NEIL1: variants seen among roughly 807,000 people sequenced by gnomAD.
NEIL1 encodes nei like DNA glycosylase 1.
Under a neutral mutation model 44.2 loss-of-function variants are expected in NEIL1, and 31 were observed. The ratio of observed to expected loss-of-function variants is 0.70; its 90% confidence interval spans 0.53 to 0.95. The LOEUF is 0.95. Ranked by LOEUF, NEIL1 falls within the 40% of genes least tolerant of loss-of-function variation. The pLI, the probability that NEIL1 is intolerant of heterozygous loss-of-function variation, is 0.00. For synonymous variants in NEIL1, 254 were observed against 209.7 expected (o/e 1.21, Z -1.83); for missense variants, 549 against 515.5 (o/e 1.07, Z -0.63).
Position 75,356,747 on chromosome 15 carries a change from C to G in NEIL1, c.*1713C>G. ...CTGTTGGAGTTGTGGTCGGGAAGAC[C>G]CATTTCTCCATGCCAGCTCCCAGGC... On this transcript the variant is annotated 3_prime_UTR_variant, in exon 10 of 10. Transcript: ENST00000355059. This position sits in a 1 kb window ranked among gnomAD's most constrained non-coding sequence, Gnocchi z 5.8. The G allele has an allele frequency of 1.9e-6, 3 of 1,612,794 alleles. No individual in the cohort carries two copies. The highest frequency in any genetic ancestry group is 2.5e-6 in the Non-Finnish European group (3 of 1,179,134).
rs1173618758 is a variant in NEIL1 at position 75,357,025 on chromosome 15, C to T, written c.*1991C>T. ...AACCACACAACTGAACTCCAGCTCC[C>T]ACTGTACGGGGCCCTGGGCATGCCA... On this transcript the variant is annotated 3_prime_UTR_variant, in exon 10 of 10. Coordinates refer to ENST00000355059, the MANE Select transcript of NEIL1 (RefSeq NM_024608.4). 6 of 761,646 alleles carry T rather than the reference C, an allele frequency of 7.9e-6. No homozygotes were observed. The highest frequency in any genetic ancestry group is 1.3e-5 in the Non-Finnish European group (6 of 455,208). The allele number at this position is 761,646 out of a possible 1,614,324, so 47.2% of individuals were successfully genotyped here. A position where few individuals can be genotyped will look rare whatever the true frequency, so the allele number is the denominator to read the frequency against.
At chr15:75,353,254 C>T (rs1352208029) in intron 5 of NEIL1, 14 of 255,364 alleles carry the variant, frequency 5.5e-5, no homozygotes, top group Non-Finnish European at 2.4e-5. Context: ...CACACACGCA[C>T]GTTTATATAT....
Position 75,356,475 on chromosome 15 carries a change from T to C in NEIL1, c.*1441T>C. The C allele has an allele frequency of 3.2e-6, 5 of 1,578,830 alleles. No individual in the cohort carries two copies. Among genetic ancestry groups the C allele is most frequent in the Non-Finnish European group, 4.3e-6 (5 of 1,164,260 alleles). ...CTGGGGTACGACCAGGAAACAATGC[T>C]GGTGGAGAATGGGGGCTACCCTCCC... On this transcript the variant is annotated 3_prime_UTR_variant, in exon 10 of 10. Coordinates refer to ENST00000355059, the MANE Select transcript of NEIL1 (RefSeq NM_024608.4). The surrounding 1 kb of genome is among the most constrained non-coding windows in gnomAD (Gnocchi z 5.8).
chr15:75,352,008 C>T (rs1223202431), intron 2 of NEIL1, 103 bp from the exon 3 acceptor site: 2 of 1,084,756 alleles, frequency 1.8e-6, no homozygotes, highest in Non-Finnish European at 2.8e-6. Context: ...CTGTAACTCC[C>T]AGTTTCCTTC....
In NEIL1 at chr15:75,352,637, CA is replaced by C. The variant is rs763974817; in HGVS notation, c.656del (p.Lys219SerfsTer50). 6.2e-6 allele frequency: 10 copies of C among 1,613,452 alleles called. No homozygotes were observed. Among genetic ancestry groups the C allele is most frequent in the African/African-American group, 1.3e-5 (1 of 75,036 alleles). On this transcript the variant is annotated frameshift_variant, in exon 5 of 10. Transcript: ENST00000355059. LOFTEE classifies it high-confidence loss of function. ...ELTLSQKIRT[K>X]LQNPDLLELC... ...TGACCCTGAGCCAGAAGATAAGGAC[CA>C]AGCTGCAGAATCCAGACCTGCTGGA...
intron 1 of NEIL1, 172 bp from the exon 2 acceptor site, chr15:75,348,712 G>A (rs2071634703): frequency 7.0e-7 from 1 of 1,432,250 alleles, no homozygotes; most frequent in Admixed American, 2.9e-5. Context: ...GGCTTTCCAG[G>A]CACCTGTCCG....
At chr15:75,353,942 G>A in intron 6 of NEIL1, 76 bp downstream of exon 6, 1 of 1,575,922 alleles carries the variant, frequency 6.3e-7, no homozygotes, top group Non-Finnish European at 8.7e-7. Flanking sequence ...AATAACTGGG[G>A]TGGTGATGCT....
rs751629895 is a variant in NEIL1, at chr15:75,354,407, A to C, written c.875-24A>C. On this transcript the variant is annotated intron_variant, in intron 7 of 9. Transcript: ENST00000355059. ...ACCCCTGGGCAGGATAGGACCCTCC[A>C]ACTCCAACACCAGTGTCCTGCAGGG... The C allele has an allele frequency of 6.2e-6, 10 of 1,613,966 alleles. No homozygotes were observed. The East Asian group carries it at 2.0e-4, about 32-fold the overall frequency.
chr15:75,356,552 A>C lies in NEIL1; in HGVS notation c.*1518A>C. On this transcript the variant is annotated 3_prime_UTR_variant, in exon 10 of 10. Coordinates refer to ENST00000355059, the MANE Select transcript of NEIL1 (RefSeq NM_024608.4). The surrounding 1 kb of genome is among the most constrained non-coding windows in gnomAD (Gnocchi z 5.8). ...GGTTGCTGGGGTTTGGGCTCAGGGA[A>C]GGGCAGAGAGGTGTCTAGGGCTGCA... is the stretch of plus-strand genomic sequence containing the variant. 1 of 1,548,096 alleles carries C rather than the reference A, an allele frequency of 6.5e-7. No individual in the cohort carries two copies. The highest frequency in any genetic ancestry group is 8.7e-7 in the Non-Finnish European group (1 of 1,144,262).
chr15:75,353,142 C>CAAA (rs1195902594), intron 5 of NEIL1: 10 of 95,568 alleles, frequency 1.0e-4, no homozygotes, highest in South Asian at 2.7e-4. Flanking sequence ...AACTCCATCT[C>CAAA]AAAAAAAAAA....
chr15:75,349,068 G>A lies in NEIL1; in HGVS notation c.163G>A (p.Glu55Lys). ...YRISASARGK[E>K]LRLILSPLPG... The stretch of plus-strand genomic sequence containing the variant: ...CATCTCAGCTTCAGCCCGCGGCAAG[G>A]AGCTGCGCCTGATACTGAGCCCTCT... Residue 55 changes from glutamate (E) to lysine (K), a missense_variant, in exon 2 of 10, where the codon GAG (glutamate) becomes AAG (lysine). Physicochemically the swap from Glu to Lys is moderately conservative, Grantham distance 56. Transcript: ENST00000355059. 1 of 1,613,312 alleles carries A rather than the reference G, an allele frequency of 6.2e-7. No homozygotes were observed. The highest frequency in any genetic ancestry group is 8.5e-7 in the Non-Finnish European group (1 of 1,179,980).
intron 1 of NEIL1, chr15:75,347,885 C>A: frequency 8.2e-7 from 1 of 1,213,628 alleles, no homozygotes; most frequent in South Asian, 1.3e-5. Flanking sequence ...GGTGCCAGGC[C>A]AGGGGCGGCT....
At position 75,355,035 on chromosome 15, in the gene NEIL1, C is replaced by T. The variant is rs1316748104; in HGVS notation, c.*1C>T. 4 of 1,612,654 alleles carry T rather than the reference C, an allele frequency of 2.5e-6. No homozygotes were observed. Among genetic ancestry groups the T allele is most frequent in the Non-Finnish European group, 3.4e-6 (4 of 1,178,940 alleles). ...ACCAGAGGGGACCTCAGCCTCTTAG[C>T]AGGAGGCTCTCCTTGCTTGCACTCA... On this transcript the variant is annotated 3_prime_UTR_variant, in exon 10 of 10. Transcript: ENST00000355059.
Position 75,349,277 on chromosome 15 carries a change from C to A in NEIL1, c.372C>A (p.Asp124Glu), listed in dbSNP as rs745649565. Residue 124 changes from aspartate to glutamate, a missense_variant, in exon 2 of 10, where the codon GAC becomes GAA. Transcript: ENST00000355059. ...FVDIRRFGRW[D>E]LGGKWQPGRG... is the part of the protein sequence containing the mutation. Reference sequence around the variant, plus strand: ...ACATCCGCCGGTTCGGCCGCTGGGACCTTGGGGGAAAGTGGCAGCCGGGCC... The same window carrying A: ...ACATCCGCCGGTTCGGCCGCTGGGAACTTGGGGGAAAGTGGCAGCCGGGCC... The A allele has an allele frequency of 6.2e-7, 1 of 1,611,924 alleles. No homozygotes were observed. Among genetic ancestry groups the A allele is most frequent in the Non-Finnish European group, 8.5e-7 (1 of 1,179,632 alleles).
chr15:75,351,029 G>A (rs1195328493), intron 2 of NEIL1, among the ~76,000 whole-genome samples: 1 of 152,134 alleles, frequency 6.6e-6, no homozygotes, highest in East Asian at 1.9e-4. Flanking sequence ...TGGAGGTGGG[G>A]TGGGGGCTGC....
At chr15:75,348,706 T>G in intron 1 of NEIL1, 178 bp from the exon 2 acceptor site, 2 of 1,431,032 alleles carry the variant, frequency 1.4e-6, no homozygotes, top group Non-Finnish European at 1.8e-6. Context: ...GCCCTGGGCT[T>G]TCCAGGCACC....
At position 75,354,522 on chromosome 15, in the gene NEIL1, T is replaced by C. The variant is rs754196785; in HGVS notation, c.936+30T>C. 2.5e-6 allele frequency: 4 copies of C among 1,613,798 alleles called. No individual in the cohort carries two copies. The South Asian group carries it at 4.4e-5, about 18-fold the overall frequency. ...GGCTGCCTGCTCCCGCCTCCTCCCC[T>C]GCACTCTGCAGCCCTGGCTGCCCCT... is the stretch of plus-strand genomic sequence containing the variant. On this transcript the variant is annotated intron_variant, in intron 8 of 9. Coordinates refer to ENST00000355059, the MANE Select transcript of NEIL1 (RefSeq NM_024608.4).
intron 6 of NEIL1, 162 bp downstream of exon 6, chr15:75,354,028 T>C: frequency 8.9e-7 from 1 of 1,122,506 alleles, no homozygotes; most frequent in Non-Finnish European, 1.3e-6. Context: ...CGTCCCAGGG[T>C]TGCAGCTAGT....
Position 75,356,459 on chromosome 15 carries a change from G to C in NEIL1, c.*1425G>C. 3 of 1,590,062 alleles carry C rather than the reference G, an allele frequency of 1.9e-6. No homozygotes were observed. The highest frequency in any genetic ancestry group is 1.7e-6 in the Non-Finnish European group (2 of 1,169,766). On this transcript the variant is annotated 3_prime_UTR_variant, in exon 10 of 10. Transcript: ENST00000355059. The surrounding 1 kb of genome is among the most constrained non-coding windows in gnomAD (Gnocchi z 5.8). ...GCATCCTGGAAAGAGCCTGGGGTAC[G>C]ACCAGGAAACAATGCTGGTGGAGAA...
Sources: gnomAD v4.1 joint callset for allele counts (sites outside exome capture counted in the v4.1 genomes callset) on GRCh38, gnomAD v4.1.1 for gene constraint, Gnocchi (gnomAD v3.1) non-coding constraint, MANE v1.5 for transcripts, NCBI Gene and HGNC (gene_info 2026-07-23, HGNC 2026-07-21) for gene names.